The following MAGI2 variants were observed in gnomAD, a reference collection of about 807,000 sequenced individuals.
The protein encoded by MAGI2 is membrane-associated guanylate kinase, WW and PDZ domain-containing protein 2.
MAGI2 carries 35 observed loss-of-function variants against 133.3 expected under a neutral mutation model. The observed-to-expected ratio is 0.26, with a 90% confidence interval of 0.20 to 0.35. MAGI2 has a LOEUF of 0.35. Ranked by LOEUF, MAGI2 falls within the 10% of genes least tolerant of loss-of-function variation. MAGI2 has a pLI of 1.00. For synonymous variants in MAGI2, 729 were observed against 710.6 expected, an observed-to-expected ratio of 1.03 and a Z score of -0.41; for missense variants, 1,636 against 1,863.4, an observed-to-expected ratio of 0.88 and a Z score of 2.25.
chr7:79,301,326 T>C (rs1399401865), intron 1 of MAGI2, among the ~76,000 whole-genome samples: 1 of 152,202 alleles, frequency 6.6e-6, no homozygotes, highest in Non-Finnish European at 1.5e-5. Flanking sequence ...CCCTGTAAAG[T>C]CACAAAAGCA....
chr7:79,386,734 A>G (rs768354197), intron 1 of MAGI2, among the ~76,000 whole-genome samples: 6 of 152,054 alleles, frequency 3.9e-5, no homozygotes, highest in Non-Finnish European at 7.4e-5. Flanking sequence ...TTCAAATTCA[A>G]ATTGAAAACT....
chr7:78,987,288 G>C (rs1240102040), intron 2 of MAGI2, among the ~76,000 whole-genome samples: 1 of 152,110 alleles, frequency 6.6e-6, no homozygotes, highest in Non-Finnish European at 1.5e-5. Context: ...TGAATACAAC[G>C]TTAATTGCAA....
chr7:79,198,883 G>A (rs1409364226), intron 1 of MAGI2, among the ~76,000 whole-genome samples: 1 of 151,898 alleles, frequency 6.6e-6, no homozygotes, highest in African/African-American at 2.4e-5. Flanking sequence ...ATGAGACCCT[G>A]TCTCAAAAAA....
chr7:79,250,401 T>A (rs1222373052), intron 1 of MAGI2, among the ~76,000 whole-genome samples: 1 of 149,288 alleles, frequency 6.7e-6, no homozygotes, highest in African/African-American at 2.4e-5. Context: ...TCAGTAAAGT[T>A]GCAGGATACA....
At chr7:79,125,545 G>A in intron 1 of MAGI2, 1 of 511,278 alleles carries the variant, frequency 2.0e-6, no homozygotes, top group Non-Finnish European at 3.9e-6. Context: ...TGGCTATGGT[G>A]GGAGTGGCAG....
At chr7:78,958,494 C>T (rs1157990982) in intron 2 of MAGI2, among the ~76,000 whole-genome samples, 1 of 152,108 alleles carries the variant, frequency 6.6e-6, no homozygotes, top group Non-Finnish European at 1.5e-5. Flanking sequence ...CCAATCATAA[C>T]TCAATGAAAA....
At chr7:78,236,062 C>T (rs376481750) in intron 10 of MAGI2, among the ~76,000 whole-genome samples, 13 of 143,382 alleles carry the variant, frequency 9.1e-5, no homozygotes, top group African/African-American at 2.3e-4. Context: ...AGGGCACTGT[C>T]GTATGGAAGG....
At chr7:78,840,348 A>G (rs1364660703) in intron 2 of MAGI2, among the ~76,000 whole-genome samples, 1 of 152,092 alleles carries the variant, frequency 6.6e-6, no homozygotes, top group African/African-American at 2.4e-5. Flanking sequence ...TGATCAAGCC[A>G]TGTAGAGTTG....
chr7:79,413,057 A>T (rs879311036), intron 1 of MAGI2: 1 of 152,200 alleles, frequency 6.6e-6, no homozygotes, highest in African/African-American at 2.4e-5. Flanking sequence ...GAAAATAAGC[A>T]TAGTGCTGCC....
chr7:78,191,437 T>A (rs1276698789), intron 12 of MAGI2, among the ~76,000 whole-genome samples: 3 of 152,228 alleles, frequency 2.0e-5, no homozygotes, highest in Non-Finnish European at 4.4e-5. Flanking sequence ...TGTTCAGAAA[T>A]CGTTTTTCTA....
chr7:79,009,909 G>C (rs1211167666), intron 1 of MAGI2, among the ~76,000 whole-genome samples: 2 of 151,970 alleles, frequency 1.3e-5, no homozygotes, highest in African/African-American at 4.8e-5. Context: ...AACAATGTCA[G>C]TAACTACATA....
intron 3 of MAGI2, among the ~76,000 whole-genome samples, chr7:78,539,058 A>G (rs902052287): frequency 2.4e-4 from 36 of 152,204 alleles, no homozygotes; most frequent in African/African-American, 8.7e-4. Context: ...TACTATGTTG[A>G]AAGAAGTGGA....
rs1035201031 is a variant in MAGI2, at chr7:78,256,612, G to A, written c.1409-31C>T. 5 of 1,573,836 alleles carry A rather than the reference G, an allele frequency of 3.2e-6. No homozygotes were observed. The Admixed American group carries it at 5.4e-5, about 17-fold the overall frequency. ...AGAAAAAAAGAGATTGACAACATGA[G>A]GTAAGTTCAATTAACATTGACATAG... On this transcript the variant is annotated intron_variant, in intron 9 of 21. Coordinates refer to ENST00000354212, the MANE Select transcript of MAGI2 (RefSeq NM_012301.4).
intron 1 of MAGI2, among the ~76,000 whole-genome samples, chr7:79,033,385 T>G (rs1810798179): frequency 6.6e-6 from 1 of 152,232 alleles, no homozygotes; most frequent in Non-Finnish European, 1.5e-5. Context: ...ACTTTTTGTT[T>G]GTTTTCTTTG....
intron 2 of MAGI2, among the ~76,000 whole-genome samples, chr7:78,956,754 A>C (rs961500136): frequency 2.6e-5 from 4 of 152,310 alleles, no homozygotes; most frequent in African/African-American, 9.6e-5. Flanking sequence ...CCCGTTTTTT[A>C]TGTAATACAT....
chr7:78,632,904 G>A lies in MAGI2; in HGVS notation c.419-5665C>T, dbSNP rs539378973. Among the ~76,000 whole-genome samples, 13 of 152,278 alleles carry A rather than the reference G, an allele frequency of 8.5e-5. No homozygotes were observed. In the East Asian group the frequency reaches 2.5e-3, roughly 29 times the overall value. ...AATCCCATTACTGGGTATATAACCA[G>A]AGTAATATAAATCATTCTACTGTAA... is the stretch of plus-strand genomic sequence containing the variant. On this transcript the variant is annotated intron_variant, in intron 2 of 21. Coordinates refer to ENST00000354212, the MANE Select transcript of MAGI2 (RefSeq NM_012301.4).
intron 16 of MAGI2, among the ~76,000 whole-genome samples, chr7:78,148,648 T>G (rs1055440054): frequency 2.6e-5 from 4 of 152,086 alleles, no homozygotes; most frequent in Non-Finnish European, 5.9e-5. Flanking sequence ...CTGTCTAATC[T>G]GAGTCATAAA....
chr7:78,019,070 G>T lies in MAGI2; in HGVS notation c.*245C>A. On this transcript the variant is annotated 3_prime_UTR_variant, in exon 22 of 22. Coordinates refer to ENST00000354212, the MANE Select transcript of MAGI2 (RefSeq NM_012301.4). ...TCTGTGATGTTCTTCACGTTATTTT[G>T]GTTCTTCCATAGCTGCCAAAGCCCC... The T allele has an allele frequency of 2.2e-6, 1 of 453,194 alleles. No individual in the cohort carries two copies. 28.1% of individuals were successfully genotyped at this position (453,194 alleles called of 1,614,324 possible).
intron 1 of MAGI2, among the ~76,000 whole-genome samples, chr7:79,354,925 T>C (rs1841924194): frequency 6.6e-6 from 1 of 152,156 alleles, no homozygotes; most frequent in African/African-American, 2.4e-5. Context: ...CTGGACCCAA[T>C]AGGTGTAAGC....
Sources: allele counts gnomAD v4.1 joint callset (sites outside exome capture counted in the v4.1 genomes callset), GRCh38; gene constraint gnomAD v4.1.1; transcripts MANE v1.5; gene names NCBI Gene and HGNC (gene_info 2026-07-23, HGNC 2026-07-21).